FDX1: variants seen among roughly 807,000 people sequenced by gnomAD.
FDX1 encodes adrenodoxin, mitochondrial.
In FDX1, 9 loss-of-function variants were observed where a neutral mutation model predicts 14.9. The observed-to-expected ratio is 0.60, with a 90% CI of 0.36 to 1.05. The LOEUF is 1.05. Ranked by LOEUF, FDX1 falls within the 50% of genes least tolerant of loss-of-function variation. The pLI is 0.01. For missense variants in FDX1, 204 were observed against 237.2 expected, an observed-to-expected ratio of 0.86 and a Z score of 0.92; for synonymous variants, 92 against 99.4, an observed-to-expected ratio of 0.93 and a Z score of 0.44.
chr11:110,447,135 C>T (rs1309770917), intron 2 of FDX1, among the ~76,000 whole-genome samples: 1 of 148,092 alleles, frequency 6.8e-6, no homozygotes, highest in Non-Finnish European at 1.5e-5. Flanking sequence ...GAGATTGCAC[C>T]ATTGCACTCC....
chr11:110,436,801 C>G (rs1946372883), intron 2 of FDX1, among the ~76,000 whole-genome samples: 1 of 151,992 alleles, frequency 6.6e-6, no homozygotes, highest in African/African-American at 2.4e-5. Flanking sequence ...TAATTTATCT[C>G]TCTTCTGTTT....
intron 2 of FDX1, among the ~76,000 whole-genome samples, chr11:110,450,875 A>G (rs1946481929): frequency 6.6e-6 from 1 of 152,152 alleles, no homozygotes; most frequent in African/African-American, 2.4e-5. Flanking sequence ...TTACTTTTAT[A>G]TAGCCAACCA....
At chr11:110,454,761 A>G (rs1480560884) in intron 2 of FDX1, among the ~76,000 whole-genome samples, 1 of 152,180 alleles carries the variant, frequency 6.6e-6, no homozygotes, top group Non-Finnish European at 1.5e-5. Flanking sequence ...AATTCTTGGA[A>G]CTACTATGTG....
intron 2 of FDX1, among the ~76,000 whole-genome samples, chr11:110,456,652 G>A (rs147802812): frequency 6.6e-6 from 1 of 151,224 alleles, no homozygotes; most frequent in Non-Finnish European, 1.5e-5. Flanking sequence ...GACTACAAGT[G>A]TGTGCCACCA....
chr11:110,433,304 G>T (rs1946343118), intron 1 of FDX1, among the ~76,000 whole-genome samples: 1 of 152,148 alleles, frequency 6.6e-6, no homozygotes, highest in Admixed American at 6.5e-5. Context: ...ATTCTCATCT[G>T]GCTTTTTCAT....
intron 2 of FDX1, among the ~76,000 whole-genome samples, chr11:110,449,960 A>G (rs1337356345): frequency 6.6e-6 from 1 of 152,088 alleles, no homozygotes; most frequent in Non-Finnish European, 1.5e-5. Context: ...AATTCCTCCT[A>G]ACTGAAACTT....
At chr11:110,451,949 A>G (rs1341250721) in intron 2 of FDX1, among the ~76,000 whole-genome samples, 1 of 152,218 alleles carries the variant, frequency 6.6e-6, no homozygotes, top group Non-Finnish European at 1.5e-5. Context: ...TTGGTTTTTG[A>G]CAAAGGTGCA....
chr11:110,444,721 T>TACGTATATATATATATAC (rs1946435751), intron 2 of FDX1, among the ~76,000 whole-genome samples: 2 of 53,054 alleles, frequency 3.8e-5, no homozygotes, highest in South Asian at 5.4e-4. Context: ...TATATATATA[T>TACGTATATATATATATAC]ACGTATATAT....
intron 2 of FDX1, among the ~76,000 whole-genome samples, chr11:110,437,923 A>C (rs1946381255): frequency 6.6e-6 from 1 of 152,226 alleles, no homozygotes; most frequent in Non-Finnish European, 1.5e-5. Context: ...ACTCGGGATA[A>C]TGGCCTTGAG....
intron 2 of FDX1, among the ~76,000 whole-genome samples, chr11:110,442,413 A>G (rs1034348531): frequency 5.3e-5 from 8 of 152,206 alleles, no homozygotes; most frequent in Admixed American, 3.9e-4. Flanking sequence ...GCAAAGCCAC[A>G]GGGGTGGAGC....
At chr11:110,455,780 G>A (rs1005373597) in intron 2 of FDX1, among the ~76,000 whole-genome samples, 1 of 152,224 alleles carries the variant, frequency 6.6e-6, no homozygotes, top group Admixed American at 6.5e-5. Context: ...TAAATGAAAA[G>A]CTATCCTTTA....
At chr11:110,444,919 T>C (rs1164391352) in intron 2 of FDX1, among the ~76,000 whole-genome samples, 1 of 151,476 alleles carries the variant, frequency 6.6e-6, no homozygotes, top group Non-Finnish European at 1.5e-5. Flanking sequence ...AATCGTTTCC[T>C]GGGCAAAGCT....
chr11:110,432,036 C>G (rs1170706666), intron 1 of FDX1, among the ~76,000 whole-genome samples: 1 of 152,256 alleles, frequency 6.6e-6, no homozygotes, highest in Non-Finnish European at 1.5e-5. Context: ...TCTCAGTAGC[C>G]ACATGTGGCT....
chr11:110,456,589 C>G lies in FDX1; in HGVS notation c.311-329C>G, dbSNP rs1274486258. Reference sequence around the variant, plus strand: ...GAGTGTAACCTCAGCTCACTGTAACCTCCGCCTCCCGGGTTCAAGTATTTC... The same window carrying G: ...GAGTGTAACCTCAGCTCACTGTAACGTCCGCCTCCCGGGTTCAAGTATTTC... On this transcript the variant is annotated intron_variant, in intron 2 of 3. Coordinates refer to ENST00000260270, the MANE Select transcript of FDX1 (RefSeq NM_004109.5). Among the ~76,000 whole-genome samples, 4 of 148,924 alleles carry G rather than the reference C, an allele frequency of 2.7e-5. No individual in the cohort carries two copies. The East Asian group carries it at 6.0e-4, about 22-fold the overall frequency.
chr11:110,459,854 G>A (rs1445151983), intron 3 of FDX1, among the ~76,000 whole-genome samples: 1 of 152,136 alleles, frequency 6.6e-6, no homozygotes. Context: ...GCCACAGAGC[G>A]CCACTGCCTT....
chr11:110,446,345 C>T lies in FDX1; in HGVS notation c.310+10387C>T, dbSNP rs1051154043. Among the ~76,000 whole-genome samples, 8 of 152,218 alleles carry T rather than the reference C, an allele frequency of 5.3e-5. No homozygotes were observed. In the East Asian group the frequency reaches 1.5e-3, roughly 29 times the overall value. ...ATAAGTCATACAGATGAACACCGTA[C>T]TCCAAACATGGCTGACCGAAGTACT... On this transcript the variant is annotated intron_variant, in intron 2 of 3. Coordinates refer to ENST00000260270, the MANE Select transcript of FDX1 (RefSeq NM_004109.5).
chr11:110,457,143 G>A, intron 3 of FDX1, 96 bp downstream of exon 3: 1 of 1,071,724 alleles, frequency 9.3e-7, no homozygotes, highest in Non-Finnish European at 1.3e-6. Flanking sequence ...AAATGTAATA[G>A]TGTTCTACCA....
intron 2 of FDX1, among the ~76,000 whole-genome samples, chr11:110,451,684 C>A (rs1449932028): frequency 6.6e-6 from 1 of 152,154 alleles, no homozygotes; most frequent in Non-Finnish European, 1.5e-5. Context: ...ATAGAATCAA[C>A]CCAAATGCCA....
Position 110,463,633 on chromosome 11 carries a change from T to G in FDX1, c.*1165T>G, listed in dbSNP as rs1017730037. 28 of 152,346 alleles carry G rather than the reference T, an allele frequency of 1.8e-4. No homozygotes were observed. Among genetic ancestry groups the G allele is most frequent in the African/African-American group, 6.5e-4 (27 of 41,582 alleles). 9.4% of individuals were successfully genotyped at this position (152,346 alleles called of 1,614,324 possible). A position where few individuals can be genotyped will look rare whatever the true frequency, so the allele number is the denominator to read the frequency against. ...CTTCATGTGTATTATTGCAGCTTGATCATTTATATAAATATTTGTCTAGTA... is the reference window on the plus strand; with the variant it reads ...CTTCATGTGTATTATTGCAGCTTGAGCATTTATATAAATATTTGTCTAGTA... On this transcript the variant is annotated 3_prime_UTR_variant, in exon 4 of 4. Transcript: ENST00000260270.
Sources: allele counts gnomAD v4.1 joint callset (sites outside exome capture counted in the v4.1 genomes callset), GRCh38; gene constraint gnomAD v4.1.1; transcripts MANE v1.5; gene names NCBI Gene and HGNC (gene_info 2026-07-23, HGNC 2026-07-21).